The following MYH11 variants were observed in gnomAD, a reference collection of about 807,000 sequenced individuals.
MYH11 encodes myosin heavy chain 11, also known as myosin-11.
MYH11 carries 80 observed loss-of-function variants against 246.6 expected under a neutral mutation model. That is an observed-to-expected ratio of 0.32 (90% CI 0.27 to 0.39). The LOEUF is 0.39. MYH11 is among the 10% of genes least tolerant of loss of function. The pLI, the probability that MYH11 is intolerant of heterozygous loss-of-function variation, is 1.00. For missense variants in MYH11, 2,158 were observed against 2,546.8 expected (o/e 0.85, Z 3.29); for synonymous variants, 1,071 against 1,015.5 (o/e 1.05, Z -1.04).
chr16:15,705,984 CAAAAAA>C (rs57451847), intron 40 of MYH11, among the ~76,000 whole-genome samples: 7 of 56,762 alleles, frequency 1.2e-4, no homozygotes, highest in East Asian at 5.2e-4. Flanking sequence ...GACTCCGTCT[CAAAAAA>C]AAAAAAAAAA....
At chr16:15,783,766 C>G (rs2151304403) in intron 5 of MYH11, among the ~76,000 whole-genome samples, 2 of 152,238 alleles carry the variant, frequency 1.3e-5, no homozygotes, top group South Asian at 4.1e-4. Context: ...GGCAAGAGAG[C>G]TTTAAATCGG....
intron 25 of MYH11, among the ~76,000 whole-genome samples, chr16:15,737,247 G>A (rs1230263507): frequency 6.6e-6 from 1 of 152,186 alleles, no homozygotes; most frequent in Non-Finnish European, 1.5e-5. Flanking sequence ...TGTGTTTGCA[G>A]GGAAGAGAAG....
At chr16:15,836,562 G>A (rs1337071408) in intron 2 of MYH11, among the ~76,000 whole-genome samples, 2 of 151,730 alleles carry the variant, frequency 1.3e-5, no homozygotes. Context: ...ATCATGCCCA[G>A]CTAATTTTTG....
At chr16:15,709,148 G>A (rs758639068) in intron 40 of MYH11, among the ~76,000 whole-genome samples, 1 of 151,576 alleles carries the variant, frequency 6.6e-6, no homozygotes, top group African/African-American at 2.4e-5. Flanking sequence ...CACTATGTTG[G>A]TCAGGCTTGT....
chr16:15,745,047 C>G, intron 20 of MYH11, 82 bp downstream of exon 20: 2 of 1,093,834 alleles, frequency 1.8e-6, no homozygotes, highest in South Asian at 2.5e-5. Context: ...TTGCGACCAC[C>G]TCCTGTCCCA....
rs2040186371 is a variant in MYH11, at chr16:15,716,989, C to G, written c.5504+151G>C. On this transcript the variant is annotated intron_variant, in intron 38 of 40. Coordinates refer to ENST00000300036, the MANE Select transcript of MYH11 (RefSeq NM_002474.3). ...CAGGGCACTTTGCTGTGTTTACGTT[C>G]AGTTCTCACAACATACCTGCACTGT... The G allele has an allele frequency of 5.5e-6, 5 of 909,544 alleles. No homozygotes were observed. The South Asian group carries it at 6.6e-5, about 12-fold the overall frequency. 56.3% of individuals were successfully genotyped at this position (909,544 alleles called of 1,614,324 possible). A position where few individuals can be genotyped will look rare whatever the true frequency, so the allele number is the denominator to read the frequency against.
intron 37 of MYH11, chr16:15,717,621 C>A (rs982267115): frequency 2.1e-5 from 12 of 562,700 alleles, no homozygotes; most frequent in Non-Finnish European, 3.5e-5. Flanking sequence ...ATGGTGAAAC[C>A]CCGTCTCTAT....
At chr16:15,705,480 C>T (rs1437302704) in intron 40 of MYH11, among the ~76,000 whole-genome samples, 3 of 152,214 alleles carry the variant, frequency 2.0e-5, no homozygotes, top group Non-Finnish European at 4.4e-5. Context: ...TGCCAGCCTT[C>T]ACCGTTCAGA....
intron 13 of MYH11, among the ~76,000 whole-genome samples, 192 bp from the exon 14 acceptor site, chr16:15,756,706 A>C (rs536423008): frequency 6.6e-6 from 1 of 152,204 alleles, no homozygotes; most frequent in Non-Finnish European, 1.5e-5. Flanking sequence ...CCAATGGACC[A>C]GTAACAGGGA....
chr16:15,778,645 T>G lies in MYH11; in HGVS notation c.790+135A>C, dbSNP rs901731292. 38 of 909,538 alleles carry G rather than the reference T, an allele frequency of 4.2e-5. No homozygotes were observed. In the Admixed American group the frequency reaches 6.6e-4, roughly 16 times the overall value. The allele number at this position is 909,538 out of a possible 1,614,324, so 56.3% of individuals were successfully genotyped here. On this transcript the variant is annotated intron_variant, in intron 7 of 40. Transcript: ENST00000300036. ...ACCACTGCACCACAATGCCTGCTGT[T>G]AAGGGGAGATTTGTTCTGGAAGAAA...
intron 10 of MYH11, among the ~76,000 whole-genome samples, chr16:15,761,145 C>G (rs2041859139): frequency 6.6e-6 from 1 of 152,148 alleles, no homozygotes; most frequent in Non-Finnish European, 1.5e-5. Flanking sequence ...GAGTCTCGCT[C>G]TGTCGCCCAG....
intron 1 of MYH11, among the ~76,000 whole-genome samples, chr16:15,838,856 C>CAAAAA (rs10573476): frequency 1.1e-5 from 1 of 88,862 alleles, no homozygotes; most frequent in African/African-American, 4.6e-5. Flanking sequence ...GACTCCATCT[C>CAAAAA]AAAAAAAAAA....
At chr16:15,722,423 C>A (rs2040536242) in intron 31 of MYH11, among the ~76,000 whole-genome samples, 1 of 152,126 alleles carries the variant, frequency 6.6e-6, no homozygotes, top group African/African-American at 2.4e-5. Flanking sequence ...GAGAACAGAG[C>A]AGATTATAAA....
chr16:15,845,882 A>T (rs927650837), intron 1 of MYH11, among the ~76,000 whole-genome samples: 2 of 152,166 alleles, frequency 1.3e-5, no homozygotes, highest in Non-Finnish European at 2.9e-5. Flanking sequence ...ACTTGAGGTC[A>T]GGAGTTTGAG....
At chr16:15,807,296 T>A (rs896466677) in intron 3 of MYH11, among the ~76,000 whole-genome samples, 1 of 152,110 alleles carries the variant, frequency 6.6e-6, no homozygotes, top group Non-Finnish European at 1.5e-5. Context: ...CCGAGCTTCA[T>A]GACTTGCTTA....
rs150185460 is a variant in MYH11 at position 15,803,660 on chromosome 16, A to G, written c.503-4973T>C. Among the ~76,000 whole-genome samples the G allele has an allele frequency of 5.9e-5, 9 of 152,300 alleles. No homozygotes were observed. In the East Asian group the frequency reaches 1.7e-3, roughly 29 times the overall value. On this transcript the variant is annotated intron_variant, in intron 3 of 40. Transcript: ENST00000300036. ...CCAGACAACCTCCACTATCTTAAGG[A>G]AAGATTTTGAGATGGACAGACAGAT... is the stretch of plus-strand genomic sequence containing the variant.
intron 27 of MYH11, among the ~76,000 whole-genome samples, chr16:15,728,338 A>G (rs1469338001): frequency 6.6e-6 from 1 of 152,190 alleles, no homozygotes; most frequent in African/African-American, 2.4e-5. Context: ...ATTTTACTAC[A>G]TATGCCTCAG....
chr16:15,754,874 C>T (rs571768536), intron 14 of MYH11, among the ~76,000 whole-genome samples: 5 of 152,244 alleles, frequency 3.3e-5, no homozygotes, highest in African/African-American at 9.6e-5. Flanking sequence ...TTAGCAGAGA[C>T]GGGCTTTCGC....
At chr16:15,749,907 G>C in intron 16 of MYH11, 1 of 608,216 alleles carries the variant, frequency 1.6e-6, no homozygotes, top group Non-Finnish European at 2.9e-6. Flanking sequence ...GAATGAATGA[G>C]TGGCTGGATG....
Sources: gnomAD v4.1 joint callset for allele counts (sites outside exome capture counted in the v4.1 genomes callset) on GRCh38, gnomAD v4.1.1 for gene constraint, MANE v1.5 for transcripts, NCBI Gene and HGNC (gene_info 2026-07-23, HGNC 2026-07-21) for gene names.